EHHADH: variants seen among roughly 807,000 people sequenced by gnomAD.
EHHADH encodes the protein enoyl-CoA hydratase and 3-hydroxyacyl CoA dehydrogenase.
Under a neutral mutation model 64.4 loss-of-function variants are expected in EHHADH, and 48 were observed. The observed-to-expected ratio is 0.75, with a 90% CI of 0.59 to 0.95. The LOEUF is 0.95. EHHADH is among the 40% of genes least tolerant of loss of function. The probability of loss-of-function intolerance (pLI) is 0.00; values close to 1 mark genes in which losing one functional copy is unlikely to be tolerated. For missense variants in EHHADH, 854 were observed against 876.6 expected, an observed-to-expected ratio of 0.97 and a Z score of 0.33; for synonymous variants, 308 against 326.7, an observed-to-expected ratio of 0.94 and a Z score of 0.62.
At position 185,229,432 on chromosome 3, in the gene EHHADH, C is replaced by G. The variant is rs996532215; in HGVS notation, c.463G>C (p.Gly155Arg). 7.2e-6 allele frequency: 11 copies of G among 1,520,310 alleles called. No homozygotes were observed. In the African/African-American group the frequency reaches 1.4e-4, roughly 19 times the overall value. The allele number at this position is 1,520,310 out of a possible 1,614,324, so 94.2% of individuals were successfully genotyped here. Residue 155 changes from glycine (G) to arginine (R), a missense_variant and splice_region_variant, in exon 4 of 7, where the codon GGA becomes CGA. Coordinates refer to ENST00000231887, the MANE Select transcript of EHHADH (RefSeq NM_001966.4). ...AGTTGTTGCCAAGGTCTATACTGACCTGAGGTAATTAAGTCAAGTGCAGCA... is the reference window on the plus strand; with the variant it reads ...AGTTGTTGCCAAGGTCTATACTGACGTGAGGTAATTAAGTCAAGTGCAGCA... ...VPAALDLITSGRRILADEALK... is the reference protein window; with the variant it reads ...VPAALDLITSRRRILADEALK...
At position 185,191,977 on chromosome 3, in the gene EHHADH, T is replaced by C; in HGVS notation, c.*249A>G. ...TCAACTTATGCCTGAGCCTCTTTCA[T>C]TAGCTATTATGGTATTATATTCACA... is the stretch of plus-strand genomic sequence containing the variant. On this transcript the variant is annotated 3_prime_UTR_variant, in exon 7 of 7. Coordinates refer to ENST00000231887, the MANE Select transcript of EHHADH (RefSeq NM_001966.4). 2.2e-6 allele frequency: 1 copy of C among 454,898 alleles called. No homozygotes were observed. The highest frequency in any genetic ancestry group is 4.3e-5 in the South Asian group (1 of 23,328). The allele number at this position is 454,898 out of a possible 1,614,324, so 28.2% of individuals were successfully genotyped here.
At chr3:185,219,161 G>A (rs959118856) in intron 4 of EHHADH, among the ~76,000 whole-genome samples, 1 of 152,212 alleles carries the variant, frequency 6.6e-6, no homozygotes, top group Non-Finnish European at 1.5e-5. Flanking sequence ...CAAATGGGAT[G>A]GATTTCTGCC....
Position 185,191,886 on chromosome 3 carries a change from C to T in EHHADH, c.*340G>A. Reference sequence around the variant, plus strand: ...GAAAGGAGTCAAAATGAATGTATGACTTAGCTGCATTTATCATTTATTAAT... The same window carrying T: ...GAAAGGAGTCAAAATGAATGTATGATTTAGCTGCATTTATCATTTATTAAT... On this transcript the variant is annotated 3_prime_UTR_variant, in exon 7 of 7. Coordinates refer to ENST00000231887, the MANE Select transcript of EHHADH (RefSeq NM_001966.4). The T allele has an allele frequency of 3.6e-6, 1 of 276,342 alleles. No homozygotes were observed. The highest frequency in any genetic ancestry group is 5.8e-5 in the South Asian group (1 of 17,134). The allele number at this position is 276,342 out of a possible 1,614,324, so 17.1% of individuals were successfully genotyped here.
intron 6 of EHHADH, among the ~76,000 whole-genome samples, chr3:185,202,787 G>A (rs1191679397): frequency 6.6e-6 from 1 of 152,150 alleles, no homozygotes; most frequent in Non-Finnish European, 1.5e-5. Context: ...CCCCCAATCC[G>A]TGAAAAATTG....
intron 5 of EHHADH, among the ~76,000 whole-genome samples, chr3:185,213,257 C>T (rs953397533): frequency 2.0e-5 from 3 of 151,750 alleles, no homozygotes; most frequent in African/African-American, 7.3e-5. Context: ...AGTGTGGTCC[C>T]CAGAACACAG....
At chr3:185,227,314 C>T (rs1457979629) in intron 4 of EHHADH, among the ~76,000 whole-genome samples, 1 of 152,194 alleles carries the variant, frequency 6.6e-6, no homozygotes, top group Non-Finnish European at 1.5e-5. Context: ...AGGCGGATCA[C>T]CTGAGGTTGG....
At chr3:185,209,758 G>C (rs935061523) in intron 5 of EHHADH, among the ~76,000 whole-genome samples, 1 of 152,188 alleles carries the variant, frequency 6.6e-6, no homozygotes, top group African/African-American at 2.4e-5. Context: ...TTAGTAAGTA[G>C]TGTTGGAAAG....
At chr3:185,248,357 G>T in intron 2 of EHHADH, 57 bp downstream of exon 2, 2 of 1,210,788 alleles carry the variant, frequency 1.7e-6, no homozygotes, top group Non-Finnish European at 2.5e-6. Flanking sequence ...ATGCAGTATT[G>T]GTCTCAGTCT....
chr3:185,215,932 C>T (rs780000965), intron 5 of EHHADH, among the ~76,000 whole-genome samples: 1 of 151,882 alleles, frequency 6.6e-6, no homozygotes, highest in Non-Finnish European at 1.5e-5. Flanking sequence ...ATTTTTATAT[C>T]ACAATTTTAC....
chr3:185,253,216 A>G (rs1467301305), intron 1 of EHHADH: 1 of 149,432 alleles, frequency 6.7e-6, no homozygotes, highest in Admixed American at 6.7e-5. Context: ...CTGAGCTGGC[A>G]TTAGTGGGAC....
intron 2 of EHHADH, chr3:185,245,699 T>C (rs1471671604): frequency 2.8e-6 from 2 of 714,352 alleles, no homozygotes; most frequent in African/African-American, 3.5e-5. Context: ...AGTTGGTTAT[T>C]ACCATCTATA....
intron 6 of EHHADH, among the ~76,000 whole-genome samples, chr3:185,199,528 T>C (rs1182242484): frequency 1.3e-5 from 2 of 152,236 alleles, no homozygotes; most frequent in African/African-American, 2.4e-5. Flanking sequence ...GGGTAAACTG[T>C]GGCCTGTAGG....
chr3:185,246,313 C>T, intron 2 of EHHADH: 3 of 768,486 alleles, frequency 3.9e-6, no homozygotes, highest in Non-Finnish European at 6.3e-6. Flanking sequence ...GGCTCTGGCT[C>T]CAGACTTTTG....
chr3:185,201,155 C>T (rs1421592220), intron 6 of EHHADH, among the ~76,000 whole-genome samples: 4 of 152,014 alleles, frequency 2.6e-5, no homozygotes, highest in Non-Finnish European at 5.9e-5. Context: ...AACGACAAGA[C>T]CTGTGGAGAA....
At chr3:185,242,310 A>G (rs1353835085) in intron 2 of EHHADH, among the ~76,000 whole-genome samples, 1 of 152,204 alleles carries the variant, frequency 6.6e-6, no homozygotes, top group Non-Finnish European at 1.5e-5. Context: ...AGAATTAGAA[A>G]AAGAATTCTA....
At chr3:185,243,457 ATTTCT>A (rs752394555) in intron 2 of EHHADH, among the ~76,000 whole-genome samples, 1 of 151,238 alleles carries the variant, frequency 6.6e-6, no homozygotes, top group Admixed American at 6.6e-5. Context: ...GATCTTTGTT[ATTTCT>A]TTTCTTCTGC....
At chr3:185,208,116 C>G (rs936741541) in intron 5 of EHHADH, among the ~76,000 whole-genome samples, 1 of 152,214 alleles carries the variant, frequency 6.6e-6, no homozygotes, top group African/African-American at 2.4e-5. Flanking sequence ...CTTTCTTGCC[C>G]TCTCAAATTG....
At chr3:185,249,757 C>T (rs73052838) in intron 1 of EHHADH, among the ~76,000 whole-genome samples, 9,522 of 152,216 alleles carry the variant, frequency 0.063, 992 homozygotes, top group African/African-American at 0.21. Context: ...GTCTTTATAG[C>T]AGTGTGAAAA....
chr3:185,224,501 CAAAAAAAAA>C (rs757023353), intron 4 of EHHADH, among the ~76,000 whole-genome samples: 2 of 51,610 alleles, frequency 3.9e-5, no homozygotes, highest in East Asian at 1.2e-3. Context: ...ACCCTGTCAC[CAAAAAAAAA>C]AAAAAAAAAA....
Sources: allele counts gnomAD v4.1 joint callset (sites outside exome capture counted in the v4.1 genomes callset), GRCh38; gene constraint gnomAD v4.1.1; transcripts MANE v1.5; gene names NCBI Gene and HGNC (gene_info 2026-07-23, HGNC 2026-07-21).